The following NR2C1 variants were observed in gnomAD, a reference collection of about 807,000 sequenced individuals.
NR2C1 encodes TR2 nuclear hormone receptor.
A neutral mutation model predicts 74.8 loss-of-function variants in NR2C1; 33 were observed. The observed-to-expected ratio is 0.44, with a 90% CI of 0.33 to 0.59. NR2C1 has a LOEUF of 0.59. Ranked by LOEUF, NR2C1 falls within the 20% of genes least tolerant of loss-of-function variation. NR2C1 has a pLI of 0.02. For synonymous variants in NR2C1, 225 were observed against 240.6 expected (o/e 0.94, Z 0.60); for missense variants, 568 against 715.6 (o/e 0.79, Z 2.35).
chr12:95,034,486 C>T (rs1870564292), intron 10 of NR2C1, among the ~76,000 whole-genome samples: 1 of 152,142 alleles, frequency 6.6e-6, no homozygotes, highest in Admixed American at 6.5e-5. Context: ...CTGACGTGAA[C>T]ATAAACTGGA....
At position 95,067,408 on chromosome 12, in the gene NR2C1, GAT is replaced by G. The variant is rs1342910576; in HGVS notation, c.-7-19_-7-18del. 6.4e-7 allele frequency: 1 copy of G among 1,572,952 alleles called. No homozygotes were observed. The highest frequency in any genetic ancestry group is 8.7e-7 in the Non-Finnish European group (1 of 1,143,282). On this transcript the variant is annotated intron_variant, in intron 1 of 13. Transcript: ENST00000333003. The stretch of plus-strand genomic sequence containing the variant: ...ATGATCTACCTGCCAAAAATAAAAA[GAT>G]GTTTTATAATTAAACTCACAAAACA...
At chr12:95,048,197 A>G (rs1872543443) in intron 9 of NR2C1, among the ~76,000 whole-genome samples, 1 of 152,184 alleles carries the variant, frequency 6.6e-6, no homozygotes, top group Non-Finnish European at 1.5e-5. Flanking sequence ...AAGTACTGCG[A>G]TGACAGGTGG....
chr12:95,054,788 A>G (rs1284789994), intron 7 of NR2C1, among the ~76,000 whole-genome samples: 2 of 152,088 alleles, frequency 1.3e-5, no homozygotes, highest in Non-Finnish European at 2.9e-5. Flanking sequence ...GATCATTCTT[A>G]GGTGTTTCTC....
intron 10 of NR2C1, among the ~76,000 whole-genome samples, chr12:95,034,001 A>G (rs1870491859): frequency 6.6e-6 from 1 of 152,234 alleles, no homozygotes. Flanking sequence ...CCTGATAGGA[A>G]ATATGTCCAA....
At chr12:95,054,585 G>A (rs1282773932) in intron 7 of NR2C1, among the ~76,000 whole-genome samples, 1 of 152,086 alleles carries the variant, frequency 6.6e-6, no homozygotes, top group Non-Finnish European at 1.5e-5. Flanking sequence ...ATACAGGCTT[G>A]AGCCACTGTG....
At chr12:95,030,484 C>G in intron 11 of NR2C1, 1 of 1,534,196 alleles carries the variant, frequency 6.5e-7, no homozygotes, top group Non-Finnish European at 8.7e-7. Context: ...ATTAGTCAAC[C>G]ATAGCTTTCC....
intron 10 of NR2C1, among the ~76,000 whole-genome samples, chr12:95,039,227 T>C (rs1871219757): frequency 6.6e-6 from 1 of 152,266 alleles, no homozygotes; most frequent in Non-Finnish European, 1.5e-5. Flanking sequence ...TAATGCTGAT[T>C]AATAAACCAA....
At chr12:95,050,785 CTG>C (rs1565858616) in intron 8 of NR2C1, among the ~76,000 whole-genome samples, 1 of 152,008 alleles carries the variant, frequency 6.6e-6, no homozygotes. Flanking sequence ...CCTGAATAAA[CTG>C]TTTCTATATC....
chr12:95,027,298 T>C lies in NR2C1; in HGVS notation c.1531+1089A>G, dbSNP rs535228771. Among the ~76,000 whole-genome samples the C allele has an allele frequency of 4.3e-4, 65 of 152,242 alleles. 1 individual carries two copies. The South Asian group carries it at 0.013, about 31-fold the overall frequency. On this transcript the variant is annotated intron_variant, in intron 12 of 13. Transcript: ENST00000333003. ...CTGGTCTCAAACTCCTGACCAGTCCTCCCATCTCAGCCTCCCAAAATGTGA... is the reference window on the plus strand; with the variant it reads ...CTGGTCTCAAACTCCTGACCAGTCCCCCCATCTCAGCCTCCCAAAATGTGA...
chr12:95,059,940 A>G lies in NR2C1; in HGVS notation c.330T>C (p.Phe110=), dbSNP rs1874508421. 5.0e-6 allele frequency: 8 copies of G among 1,596,942 alleles called. No homozygotes were observed. The highest frequency in any genetic ancestry group is 6.0e-6 in the Non-Finnish European group (7 of 1,175,706). ...NSPDQGPNKV[F]DLCVVCGDKA... ...TGTCTCCACATACTACGCAAAGATC[A>G]AAAACCTTATTTGGTCCTTGGTCTG... The change falls in exon 4 of 14, where the codon TTT becomes TTC. Residue 110 remains phenylalanine, a synonymous_variant. Transcript: ENST00000333003.
chr12:95,072,353 CT>C (rs1020342694), intron 1 of NR2C1, among the ~76,000 whole-genome samples: 143 of 149,652 alleles, frequency 9.6e-4, no homozygotes, highest in African/African-American at 3.4e-3. Flanking sequence ...ACTCGGGAGG[CT>C]GAGACAGGAG....
intron 1 of NR2C1, chr12:95,073,126 G>T (rs556114535): frequency 6.5e-6 from 1 of 152,864 alleles, no homozygotes; most frequent in East Asian, 1.9e-4. Context: ...GCCGCTCGCC[G>T]TCCGGCCCCG....
At chr12:95,035,580 T>G (rs1412258898) in intron 10 of NR2C1, among the ~76,000 whole-genome samples, 1 of 152,054 alleles carries the variant, frequency 6.6e-6, no homozygotes, top group East Asian at 1.9e-4. Flanking sequence ...AATACCAAAA[T>G]TATTACTAAG....
intron 11 of NR2C1, chr12:95,030,755 TC>T: frequency 6.2e-7 from 1 of 1,609,168 alleles, no homozygotes; most frequent in African/African-American, 1.3e-5. Context: ...AAGGCAATTT[TC>T]CCCATTTGTT....
At chr12:95,064,888 TAA>T (rs1376953095) in intron 2 of NR2C1, among the ~76,000 whole-genome samples, 1 of 152,238 alleles carries the variant, frequency 6.6e-6, no homozygotes, top group Non-Finnish European at 1.5e-5. Context: ...ATGCAAAATT[TAA>T]AACAAAGTTC....
chr12:95,059,315 AT>A (rs373286807), intron 4 of NR2C1, among the ~76,000 whole-genome samples: 2,951 of 149,916 alleles, frequency 0.02, 86 homozygotes, highest in African/African-American at 0.068. Context: ...AAAAAAAAAA[AT>A]TTTTTTTTTA....
At chr12:95,040,707 A>G in intron 9 of NR2C1, 110 bp from the exon 10 acceptor site, 1 of 1,002,366 alleles carries the variant, frequency 1.0e-6, no homozygotes, top group Non-Finnish European at 1.4e-6. Flanking sequence ...TAATATATTC[A>G]CAAAAAAAGC....
intron 11 of NR2C1, among the ~76,000 whole-genome samples, chr12:95,029,480 G>A (rs1305428215): frequency 6.6e-6 from 1 of 151,658 alleles, no homozygotes; most frequent in Non-Finnish European, 1.5e-5. Context: ...AATGGATTTG[G>A]ATGTTTATGG....
chr12:95,062,552 G>C lies in NR2C1; in HGVS notation c.241C>G (p.Gln81Glu). Residue 81 changes from glutamine (Q) to glutamate (E), a missense_variant, in exon 3 of 14, where the codon CAG becomes GAG. Transcript: ENST00000333003. Reference sequence around the variant, plus strand: ...AGATCAGGAGTGGTAAAAAATAACTGGTTGACACCTGCTGCATCTGGAGTT... The same window carrying C: ...AGATCAGGAGTGGTAAAAAATAACTCGTTGACACCTGCTGCATCTGGAGTT... ...LTTPDAAGVN[Q>E]LFFTTPDLSA... 6.2e-7 allele frequency: 1 copy of C among 1,612,832 alleles called. No homozygotes were observed. The highest frequency in any genetic ancestry group is 8.5e-7 in the Non-Finnish European group (1 of 1,179,280).
Sources: gnomAD v4.1 joint callset for allele counts (sites outside exome capture counted in the v4.1 genomes callset) on GRCh38, gnomAD v4.1.1 for gene constraint, MANE v1.5 for transcripts, NCBI Gene and HGNC (gene_info 2026-07-23, HGNC 2026-07-21) for gene names.